The following OR2T33 variants were observed in gnomAD, a reference collection of about 807,000 sequenced individuals.
OR2T33 encodes olfactory receptor family 2 subfamily T member 33.
In OR2T33, 10 loss-of-function variants were observed where a neutral mutation model predicts 14.0. The observed-to-expected ratio is 0.72, with a 90% CI of 0.44 to 1.22. The LOEUF (loss-of-function observed/expected upper bound fraction) is 1.22. Among genes scored for constraint, OR2T33 ranks in the 50% most tolerant of loss-of-function variants. The probability of loss-of-function intolerance (pLI) is 0.00; values close to 1 mark genes in which losing one functional copy is unlikely to be tolerated. For synonymous variants in OR2T33, 103 were observed against 159.4 expected, an observed-to-expected ratio of 0.65 and a Z score of 2.66; for missense variants, 276 against 405.9, an observed-to-expected ratio of 0.68 and a Z score of 2.75.
At position 248,272,977 on chromosome 1, in the gene OR2T33, T is replaced by G. The variant is rs1480068949; in HGVS notation, c.838A>C (p.Thr280Pro). 3.7e-6 allele frequency: 6 copies of G among 1,613,772 alleles called. No individual in the cohort carries two copies. Among genetic ancestry groups the G allele is most frequent in the Middle Eastern group, 1.6e-4 (1 of 6,084 alleles). ...KVVSAFYTMFTPLLNPLIYSV... is the reference protein window; with the variant it reads ...KVVSAFYTMFPPLLNPLIYSV... ...TAGATGAGGGGGTTTAGTAAAGGGG[T>G]GAACATAGTATAGAAGGCTGACACA... is the stretch of plus-strand genomic sequence containing the variant. The change falls in exon 2 of 2, where the codon ACC (threonine) becomes CCC (proline). Residue 280 changes from threonine (T) to proline (P), a missense_variant. By Grantham distance (38) the Thr-to-Pro change is conservative. Transcript: ENST00000641220.
Position 248,273,042 on chromosome 1 carries a change from A to C in OR2T33, c.773T>G (p.Met258Arg). Residue 258 changes from methionine to arginine, a missense_variant, in exon 2 of 2, where the codon ATG (methionine) becomes AGG (arginine). Physicochemically the swap from Met to Arg is moderately conservative, Grantham distance 91 (BLOSUM62 -1). Coordinates refer to ENST00000641220, the MANE Select transcript of OR2T33 (RefSeq NM_001004695.2). ...AGTGGACCTATGGGATTTGGGTCTC[A>C]TATAGGTAAAAATGGCAGCTCCATA... ...LFYGAAIFTYMRPKSHRSTNH... is the reference protein window; with the variant it reads ...LFYGAAIFTYRRPKSHRSTNH... 1 of 1,613,870 alleles carries C rather than the reference A, an allele frequency of 6.2e-7. No individual in the cohort carries two copies. The highest frequency in any genetic ancestry group is 8.5e-7 in the Non-Finnish European group (1 of 1,179,908).
At chr1:248,277,556 G>A (rs967847593) in intron 1 of OR2T33, among the ~76,000 whole-genome samples, 1 of 152,052 alleles carries the variant, frequency 6.6e-6, no homozygotes, top group Non-Finnish European at 1.5e-5. Context: ...TTTTGGTTCT[G>A]GGTAGACACA....
Position 248,270,380 on chromosome 1 carries a change from G to A in OR2T33, c.*2472C>T, listed in dbSNP as rs771990640. 6 of 152,188 alleles carry A rather than the reference G, an allele frequency of 3.9e-5. No individual in the cohort carries two copies. Among genetic ancestry groups the A allele is most frequent in the Non-Finnish European group, 8.8e-5 (6 of 68,044 alleles). 9.4% of individuals were successfully genotyped at this position (152,188 alleles called of 1,614,324 possible). A position where few individuals can be genotyped will look rare whatever the true frequency, so the allele number is the denominator to read the frequency against. On this transcript the variant is annotated 3_prime_UTR_variant, in exon 2 of 2. Coordinates refer to ENST00000641220, the MANE Select transcript of OR2T33 (RefSeq NM_001004695.2). ...ACATGTATGCATATGTAACAAACCT[G>A]CACGTTGTGCACATGTACCCTAGAA...
At chr1:248,277,149 T>C (rs961340187) in intron 1 of OR2T33, among the ~76,000 whole-genome samples, 6 of 150,484 alleles carry the variant, frequency 4.0e-5, no homozygotes, top group African/African-American at 1.5e-4. Context: ...TATATATTTC[T>C]AGTATGTATA....
chr1:248,271,863 G>T lies in OR2T33; in HGVS notation c.*989C>A, dbSNP rs1263403912. 6.6e-6 allele frequency: 1 copy of T among 152,100 alleles called. No individual in the cohort carries two copies. The highest frequency in any genetic ancestry group is 1.5e-5 in the Non-Finnish European group (1 of 68,010). 9.4% of individuals were successfully genotyped at this position (152,100 alleles called of 1,614,324 possible). On this transcript the variant is annotated 3_prime_UTR_variant, in exon 2 of 2. Coordinates refer to ENST00000641220, the MANE Select transcript of OR2T33 (RefSeq NM_001004695.2). ...TTGGCTTTGATAACCACAGCTTTCT[G>T]CCATCACTATCTAGCTTGTGTCTTT... is the stretch of plus-strand genomic sequence containing the variant.
In OR2T33 at chr1:248,273,387, G is replaced by C. The variant is rs749258969; in HGVS notation, c.428C>G (p.Thr143Ser). Reference protein sequence around the residue: ...LMSWQLCLRMTMSCWLLGAAD... With the variant: ...LMSWQLCLRMSMSCWLLGAAD... ...TGCACCCAGGAGCCAACACGACATG[G>C]TCATCCTCAGGCACAGCTGCCAGCT... is the stretch of plus-strand genomic sequence containing the variant. The change falls in exon 2 of 2, where the codon ACC becomes AGC. Residue 143 changes from threonine (T) to serine (S), a missense_variant. Physicochemically the swap from Thr to Ser is moderately conservative, Grantham distance 58. Transcript: ENST00000641220. The C allele has an allele frequency of 6.2e-7, 1 of 1,612,292 alleles. No homozygotes were observed. The highest frequency in any genetic ancestry group is 1.1e-5 in the South Asian group (1 of 91,002).
rs1381788044 is a variant in OR2T33 at position 248,271,130 on chromosome 1, C to A, written c.*1722G>T. On this transcript the variant is annotated 3_prime_UTR_variant, in exon 2 of 2. Coordinates refer to ENST00000641220, the MANE Select transcript of OR2T33 (RefSeq NM_001004695.2). ...ATTAAAAATATTCAAATGCCAAATG[C>A]TAGTTGTTTTAGTTTTCTCCTGTAT... 1 of 152,076 alleles carries A rather than the reference C, an allele frequency of 6.6e-6. No homozygotes were observed. The highest frequency in any genetic ancestry group is 6.6e-5 in the Admixed American group (1 of 15,258). The allele number at this position is 152,076 out of a possible 1,614,324, so 9.4% of individuals were successfully genotyped here.
At chr1:248,274,871 G>A (rs368244220) in intron 1 of OR2T33, among the ~76,000 whole-genome samples, 1 of 152,014 alleles carries the variant, frequency 6.6e-6, no homozygotes, top group Non-Finnish European at 1.5e-5. Context: ...TAACAAAATC[G>A]ATTTATTTTC....
Position 248,273,446 on chromosome 1 carries a change from A to G in OR2T33, c.369T>C (p.Ala123=). The G allele has an allele frequency of 6.2e-7, 1 of 1,612,688 alleles. No individual in the cohort carries two copies. Among genetic ancestry groups the G allele is most frequent in the Non-Finnish European group, 8.5e-7 (1 of 1,179,932 alleles). Residue 123 remains alanine, a synonymous_variant, in exon 2 of 2, where the codon GCT becomes GCC. Coordinates refer to ENST00000641220, the MANE Select transcript of OR2T33 (RefSeq NM_001004695.2). ...TGGGATATCGGAGTGGGTGGCAGAC[A>G]GCCGCATAGCGGTCATAGGCCATGG... ...LAAMAYDRYA[A]VCHPLRYPTL...
Position 248,273,070 on chromosome 1 carries a change from A to G in OR2T33, c.745T>C (p.Phe249Leu). Residue 249 changes from phenylalanine (F) to leucine (L), a missense_variant, in exon 2 of 2, where the codon TTT (phenylalanine) becomes CTT (leucine). Physicochemically the swap from Phe to Leu is conservative, Grantham distance 22. Transcript: ENST00000641220. Reference protein sequence around the residue: ...CSSHVAVVGLFYGAAIFTYMR... With the variant: ...CSSHVAVVGLLYGAAIFTYMR... The stretch of plus-strand genomic sequence containing the variant: ...TAGGTAAAAATGGCAGCTCCATAAA[A>G]GAGTCCCACCACAGCCACATGTGAA... 6.2e-7 allele frequency: 1 copy of G among 1,613,248 alleles called. No homozygotes were observed. The highest frequency in any genetic ancestry group is 8.5e-7 in the Non-Finnish European group (1 of 1,179,882).
chr1:248,273,759 G>C lies in OR2T33; in HGVS notation c.56C>G (p.Thr19Ser), dbSNP rs374345217. 6.2e-6 allele frequency: 10 copies of C among 1,613,674 alleles called. No individual in the cohort carries two copies. The African/African-American group carries it at 1.1e-4, about 17-fold the overall frequency. Reference protein sequence around the residue: ...DFILLGLFNHTRAHQVLFMMV... With the variant: ...DFILLGLFNHSRAHQVLFMMV... ...CATGAAGAGGACTTGGTGGGCTCTG[G>C]TGTGGTTAAAGAGTCCTAGGAGAAT... The change falls in exon 2 of 2, where the codon ACC (threonine) becomes AGC (serine). Residue 19 changes from threonine (T) to serine (S), a missense_variant. By Grantham distance (58) the Thr-to-Ser change is moderately conservative. Coordinates refer to ENST00000641220, the MANE Select transcript of OR2T33 (RefSeq NM_001004695.2).
chr1:248,276,680 A>C (rs895943879), intron 1 of OR2T33, among the ~76,000 whole-genome samples: 4 of 152,196 alleles, frequency 2.6e-5, no homozygotes, highest in African/African-American at 9.6e-5. Flanking sequence ...AAAGTTAACA[A>C]AAATAAATAA....
chr1:248,277,925 G>A lies in OR2T33; in HGVS notation c.-169C>T, dbSNP rs1659466612. On this transcript the variant is annotated 5_prime_UTR_variant, in exon 1 of 2. Transcript: ENST00000641220. ...TAAAAATCCTATGTGGTCACTGAAAGTTTCCAACAACCAAATATCTTCCCT... is the reference window on the plus strand; with the variant it reads ...TAAAAATCCTATGTGGTCACTGAAAATTTCCAACAACCAAATATCTTCCCT... 1 of 152,090 alleles carries A rather than the reference G, an allele frequency of 6.6e-6. No homozygotes were observed. The highest frequency in any genetic ancestry group is 6.6e-5 in the Admixed American group (1 of 15,252). The allele number at this position is 152,090 out of a possible 1,614,324, so 9.4% of individuals were successfully genotyped here. A position where few individuals can be genotyped will look rare whatever the true frequency, so the allele number is the denominator to read the frequency against.
rs1659410867 is a variant in OR2T33 at position 248,273,611 on chromosome 1, G to A, written c.204C>T (p.Asp68=). 2 of 1,613,638 alleles carry A rather than the reference G, an allele frequency of 1.2e-6. No individual in the cohort carries two copies. The highest frequency in any genetic ancestry group is 1.7e-6 in the Non-Finnish European group (2 of 1,179,862). The part of the protein sequence containing the change: ...YFLLSQLSLM[D]MMLVSTTVPK... Reference sequence around the variant, plus strand: ...GCACAGTGGTGGAAACCAGCATCATGTCCATGAGGGAAAGTTGGCTCAGGA... The same window carrying A: ...GCACAGTGGTGGAAACCAGCATCATATCCATGAGGGAAAGTTGGCTCAGGA... The change falls in exon 2 of 2, where the codon GAC becomes GAT. Residue 68 remains aspartate, a synonymous_variant. Coordinates refer to ENST00000641220, the MANE Select transcript of OR2T33 (RefSeq NM_001004695.2).
chr1:248,272,108 G>A lies in OR2T33; in HGVS notation c.*744C>T, dbSNP rs1251155377. ...GATTATGCAATTCAGAGTTCATATC[G>A]ATGGAGGTATGTCAATAAGTCAAGG... On this transcript the variant is annotated 3_prime_UTR_variant, in exon 2 of 2. Transcript: ENST00000641220. 1 of 152,074 alleles carries A rather than the reference G, an allele frequency of 6.6e-6. No individual in the cohort carries two copies. Among genetic ancestry groups the A allele is most frequent in the Non-Finnish European group, 1.5e-5 (1 of 68,026 alleles). 9.4% of individuals were successfully genotyped at this position (152,074 alleles called of 1,614,324 possible).
intron 1 of OR2T33, 153 bp from the exon 2 acceptor site, chr1:248,273,975 T>A: frequency 9.5e-7 from 1 of 1,055,450 alleles, no homozygotes; most frequent in East Asian, 2.4e-5. Context: ...TGGCTTTTCC[T>A]GACCTGGCAT....
intron 1 of OR2T33, among the ~76,000 whole-genome samples, chr1:248,274,588 A>G (rs1248834390): frequency 6.6e-6 from 1 of 152,196 alleles, no homozygotes; most frequent in Non-Finnish European, 1.5e-5. Flanking sequence ...GCCATGCAGT[A>G]TACTGCCATG....
intron 1 of OR2T33, among the ~76,000 whole-genome samples, chr1:248,275,063 G>A (rs1245182787): frequency 6.6e-6 from 1 of 152,144 alleles, no homozygotes; most frequent in Non-Finnish European, 1.5e-5. Context: ...GCACAAAGAG[G>A]CAAAGAGCTA....
chr1:248,277,347 T>C (rs543694646), intron 1 of OR2T33, among the ~76,000 whole-genome samples: 6 of 152,194 alleles, frequency 3.9e-5, no homozygotes, highest in Middle Eastern at 3.4e-3. Flanking sequence ...TCTGGAACAA[T>C]AGAGTTCCAC....
Sources: allele counts gnomAD v4.1 joint callset (sites outside exome capture counted in the v4.1 genomes callset), GRCh38; gene constraint gnomAD v4.1.1; transcripts MANE v1.5; gene names NCBI Gene and HGNC (gene_info 2026-07-23, HGNC 2026-07-21).